The following KIR2DL3 variants were observed in gnomAD, a reference collection of about 807,000 sequenced individuals.
The protein encoded by KIR2DL3 is killer cell immunoglobulin like receptor, two Ig domains and long cytoplasmic tail 3.
A neutral mutation model predicts 33.8 loss-of-function variants in KIR2DL3; 39 were observed. That is an observed-to-expected ratio of 1.15 (90% CI 0.89 to 1.51). The LOEUF is 1.51. Among genes scored for constraint, KIR2DL3 ranks in the 40% most tolerant of loss-of-function variants. The pLI is 0.00. For synonymous variants in KIR2DL3, 174 were observed against 160.2 expected, an observed-to-expected ratio of 1.09 and a Z score of -0.65; for missense variants, 462 against 426.2, an observed-to-expected ratio of 1.08 and a Z score of -0.74.
chr19:54,738,617 G>A, intron 1 of KIR2DL3, 38 bp downstream of exon 1: 3 of 1,613,944 alleles, frequency 1.9e-6, no homozygotes, highest in East Asian at 4.5e-5. Flanking sequence ...GGAGTGCGGG[G>A]ATGGAGATCG....
chr19:54,740,270 G>A (rs2070775023), intron 2 of KIR2DL3, among the ~76,000 whole-genome samples: 1 of 151,992 alleles, frequency 6.6e-6, no homozygotes, highest in African/African-American at 2.4e-5. Flanking sequence ...TCTCCCCAAG[G>A]TGGTCAGGAC....
chr19:54,742,391 G>C (rs2071342513), intron 3 of KIR2DL3, 112 bp downstream of exon 3: 1 of 1,468,790 alleles, frequency 6.8e-7, no homozygotes, highest in Non-Finnish European at 9.4e-7. Context: ...TATGGAGAGA[G>C]ACTGACTTGC....
At chr19:54,741,015 C>T (rs1311723527) in intron 2 of KIR2DL3, among the ~76,000 whole-genome samples, 1 of 151,686 alleles carries the variant, frequency 6.6e-6, no homozygotes, top group East Asian at 1.9e-4. Context: ...GGGAACAAAG[C>T]CCTGCAGATG....
Position 54,752,510 on chromosome 19 carries a change from T to G in KIR2DL3, c.1017T>G (p.Ala339=), listed in dbSNP as rs1440777812. The G allele has an allele frequency of 6.8e-7, 1 of 1,463,970 alleles. No individual in the cohort carries two copies. Among genetic ancestry groups the G allele is most frequent in the Non-Finnish European group, 9.3e-7 (1 of 1,076,658 alleles). The allele number at this position is 1,463,970 out of a possible 1,614,324, so 90.7% of individuals were successfully genotyped here. The change falls in exon 8 of 8, where the codon GCT becomes GCG. Residue 339 remains alanine (A), a synonymous_variant. Coordinates refer to ENST00000342376, the MANE Select transcript of KIR2DL3 (RefSeq NM_015868.3). ...TCGTGTACACGGAACTTCCAAATGCTGAGCCCTGATCCAAAGTTGTCTCCT... is the reference window on the plus strand; with the variant it reads ...TCGTGTACACGGAACTTCCAAATGCGGAGCCCTGATCCAAAGTTGTCTCCT... ...DIIVYTELPN[A]EP is the part of the protein sequence containing the mutation.
At chr19:54,739,389 G>T in intron 1 of KIR2DL3, 118 bp from the exon 2 acceptor site, 2 of 1,557,176 alleles carry the variant, frequency 1.3e-6, no homozygotes, top group African/African-American at 1.4e-5. Flanking sequence ...GGCACTGAGG[G>T]TGAGTTTAAC....
chr19:54,748,499 G>A (rs2147146187), intron 5 of KIR2DL3, among the ~76,000 whole-genome samples: 1 of 141,986 alleles, frequency 7.0e-6, no homozygotes, highest in South Asian at 2.4e-4. Context: ...GATGCATTTG[G>A]CTTCTGCCCT....
At position 54,745,864 on chromosome 19, in the gene KIR2DL3, G is replaced by A. The variant is rs1440825641; in HGVS notation, c.665-1471G>A. On this transcript the variant is annotated intron_variant, in intron 4 of 7. Transcript: ENST00000342376. ...TTTCGCTCTTGTCACCCAGGCTGGAGTGCAGTGGTGCGATCTCGGCTCACC... is the reference window on the plus strand; with the variant it reads ...TTTCGCTCTTGTCACCCAGGCTGGAATGCAGTGGTGCGATCTCGGCTCACC... 8.9e-5 allele frequency among the ~76,000 whole-genome samples: 13 copies of A among 145,474 alleles called. 1 individual carries two copies. Among genetic ancestry groups the A allele is most frequent in the Non-Finnish European group, 1.7e-4 (11 of 65,616 alleles).
chr19:54,750,940 C>T (rs1292867856), intron 5 of KIR2DL3, among the ~76,000 whole-genome samples: 2 of 133,618 alleles, frequency 1.5e-5, no homozygotes, highest in Non-Finnish European at 3.3e-5. Context: ...TGCATGACGT[C>T]CTCCTCCAGG....
In KIR2DL3 at chr19:54,749,636, G is replaced by A. The variant is rs879326129; in HGVS notation, c.716-2013G>A. 1.3e-3 allele frequency among the ~76,000 whole-genome samples: 101 copies of A among 76,684 alleles called. 7 individuals are homozygous for A. The highest frequency in any genetic ancestry group is 4.0e-3 in the African/African-American group (80 of 19,860). The allele number at this position is 76,684 out of a possible 152,430, so 50.3% of individuals were successfully genotyped here. On this transcript the variant is annotated intron_variant, in intron 5 of 7. Transcript: ENST00000342376. ...TACAAGTCTGTGAACAGTGGCTCAC[G>A]CCTGTAACCTAGCACTGCAGGAGGC...
At chr19:54,741,708 A>G (rs1401864513) in intron 2 of KIR2DL3, among the ~76,000 whole-genome samples, 1 of 151,518 alleles carries the variant, frequency 6.6e-6, no homozygotes, top group African/African-American at 2.4e-5. Flanking sequence ...AGCAGGAAAT[A>G]CATTAGTGTG....
intron 2 of KIR2DL3, among the ~76,000 whole-genome samples, chr19:54,740,567 T>C (rs1462366738): frequency 2.7e-5 from 4 of 149,780 alleles, no homozygotes; most frequent in Admixed American, 2.7e-4. Flanking sequence ...AGGGCTCCTG[T>C]CTTGGATTCT....
intron 5 of KIR2DL3, among the ~76,000 whole-genome samples, chr19:54,748,755 G>A (rs2072965898): frequency 1.4e-5 from 2 of 144,642 alleles, no homozygotes; most frequent in African/African-American, 5.2e-5. Context: ...TCGAGTAGCT[G>A]GGATTACAGG....
At chr19:54,744,398 A>G (rs10420133) in intron 4 of KIR2DL3, among the ~76,000 whole-genome samples, 9,075 of 151,932 alleles carry the variant, frequency 0.06, 342 homozygotes, top group African/African-American at 0.12. Flanking sequence ...AACATTACCC[A>G]TTTCCCAGAA....
intron 1 of KIR2DL3, among the ~76,000 whole-genome samples, chr19:54,738,814 A>C (rs1424175437): frequency 2.1e-5 from 2 of 96,714 alleles, no homozygotes; most frequent in Non-Finnish European, 4.1e-5. Flanking sequence ...GGGCCTGGAG[A>C]TGGAGATATG....
Position 54,742,289 on chromosome 19 carries a change from T to C in KIR2DL3, c.370+10T>C. The C allele has an allele frequency of 4.3e-6, 7 of 1,611,160 alleles. No individual in the cohort carries two copies. On this transcript the variant is annotated intron_variant, in intron 3 of 7. Transcript: ENST00000342376. ...GACATCGTCATCACAGGTGAGAGTG[T>C]CCGGACATTCTCATTGTCATTGGGA...
At chr19:54,746,572 T>C (rs1297801596) in intron 4 of KIR2DL3, among the ~76,000 whole-genome samples, 1 of 147,036 alleles carries the variant, frequency 6.8e-6, no homozygotes. Flanking sequence ...GTTTTGTGTA[T>C]AGTGACAGGT....
chr19:54,747,154 A>C (rs1416744599), intron 4 of KIR2DL3, among the ~76,000 whole-genome samples, 181 bp from the exon 5 acceptor site: 2 of 146,886 alleles, frequency 1.4e-5, no homozygotes, highest in Non-Finnish European at 1.5e-5. Context: ...TTTTCTCTTT[A>C]TACCTTGAAG....
chr19:54,738,641 G>C, intron 1 of KIR2DL3, 62 bp downstream of exon 1: 2 of 1,605,374 alleles, frequency 1.2e-6, no homozygotes, highest in Non-Finnish European at 1.7e-6. Context: ...CCCAGAGTTG[G>C]AGATATAGGC....
At chr19:54,745,745 G>T (rs1180111496) in intron 4 of KIR2DL3, among the ~76,000 whole-genome samples, 2 of 151,632 alleles carry the variant, frequency 1.3e-5, no homozygotes, top group South Asian at 2.1e-4. Context: ...AGGGTATTAG[G>T]GTTCTCCTTT....
Sources: allele counts gnomAD v4.1 joint callset (sites outside exome capture counted in the v4.1 genomes callset), GRCh38; gene constraint gnomAD v4.1.1; transcripts MANE v1.5; gene names NCBI Gene and HGNC (gene_info 2026-07-23, HGNC 2026-07-21).